Variants in COL27A1 observed in about 807,000 individuals in gnomAD.
The protein encoded by COL27A1 is collagen alpha-1(XXVII) chain.
Under a neutral mutation model 251.3 loss-of-function variants are expected in COL27A1, and 106 were observed. The ratio of observed to expected loss-of-function variants is 0.42; its 90% CI spans 0.36 to 0.50. COL27A1 has a LOEUF of 0.50. Among genes scored for constraint, COL27A1 ranks in the 20% least tolerant of loss-of-function variants. COL27A1 has a pLI of 0.00. For missense variants in COL27A1, 2,325 were observed against 2,522.8 expected (o/e 0.92, Z 1.68); for synonymous variants, 1,000 against 986.3 (o/e 1.01, Z -0.26).
At chr9:114,154,900 C>A (rs981543135), upstream of COL27A1, among the ~76,000 whole-genome samples, 1 of 152,036 alleles carries the variant, frequency 6.6e-6, no homozygotes, top group Non-Finnish European at 1.5e-5. This position sits in a 1 kb window ranked among gnomAD's most constrained non-coding sequence, Gnocchi z 5.8. Flanking sequence ...TGAGAATTTG[C>A]CCGGGGGCCA....
intron 59 of COL27A1, among the ~76,000 whole-genome samples, chr9:114,308,022 C>A (rs910509871): frequency 2.0e-5 from 3 of 152,242 alleles, no homozygotes; most frequent in African/African-American, 7.2e-5. Context: ...CAAATAGAAT[C>A]TTCTGCCTAA....
intron 33 of COL27A1, among the ~76,000 whole-genome samples, 178 bp downstream of exon 33, chr9:114,266,796 G>T (rs1014708952): frequency 6.6e-6 from 1 of 152,188 alleles, no homozygotes; most frequent in Non-Finnish European, 1.5e-5. Context: ...GATCCATCCT[G>T]GTGGCATAGG....
chr9:114,301,488 T>TG, intron 54 of COL27A1, 26 bp downstream of exon 54: 1 of 739,136 alleles, frequency 1.4e-6, no homozygotes, highest in Non-Finnish European at 2.1e-6. Context: ...ATGAGGGCTG[T>TG]GGGGCGGGGC....
At chr9:114,155,175 G>A (rs1848047782), upstream of COL27A1, among the ~76,000 whole-genome samples, 1 of 152,104 alleles carries the variant, frequency 6.6e-6, no homozygotes, top group African/African-American at 2.4e-5. This position sits in a 1 kb window ranked among gnomAD's most constrained non-coding sequence, Gnocchi z 5.5. Flanking sequence ...TCCTAGCTCC[G>A]TCCCTGAAAC....
intron 27 of COL27A1, among the ~76,000 whole-genome samples, chr9:114,254,765 A>G (rs1243654873): frequency 6.6e-6 from 1 of 152,178 alleles, no homozygotes; most frequent in African/African-American, 2.4e-5. Flanking sequence ...ACACTTTTTC[A>G]TGCACCTGCT....
chr9:114,213,606 C>T (rs779825590), intron 12 of COL27A1, among the ~76,000 whole-genome samples: 14 of 152,166 alleles, frequency 9.2e-5, no homozygotes, highest in South Asian at 2.1e-4. Flanking sequence ...TCAATAAACA[C>T]GATGAATAAC....
chr9:114,288,661 C>A (rs763091081), intron 42 of COL27A1, 41 bp from the exon 43 acceptor site: 1 of 1,594,878 alleles, frequency 6.3e-7, no homozygotes, highest in Non-Finnish European at 8.6e-7. Flanking sequence ...GCATCCTTGG[C>A]ACCTGGTGGC....
intron 28 of COL27A1, among the ~76,000 whole-genome samples, chr9:114,260,342 A>T (rs1834232095): frequency 6.6e-6 from 1 of 152,150 alleles, no homozygotes; most frequent in Non-Finnish European, 1.5e-5. Flanking sequence ...AACCTATGAG[A>T]TCGGCCCCCT....
chr9:114,306,567 C>G lies in COL27A1; in HGVS notation c.4986C>G (p.Ile1662Met). The stretch of plus-strand genomic sequence containing the variant: ...TGGTGCTGGACCAGGGAGGAGAGAT[C>G]TTTAAAACCTTACACTACCTCAGCA... ...DRLVLDQGGE[I>M]FKTLHYLSNL... The change falls in exon 58 of 61, where the codon ATC becomes ATG. Residue 1662 changes from isoleucine to methionine, a missense_variant. Physicochemically the swap from Ile to Met is conservative, Grantham distance 10. Around this residue, in one of 4 missense-constraint regions of COL27A1, gnomAD observed 327 missense variants for 442.8 expected, o/e 0.74. Transcript: ENST00000356083. 1 of 1,614,074 alleles carries G rather than the reference C, an allele frequency of 6.2e-7. No individual in the cohort carries two copies. The highest frequency in any genetic ancestry group is 8.5e-7 in the Non-Finnish European group (1 of 1,180,036).
chr9:114,157,733 C>A (rs1269697256), intron 1 of COL27A1, among the ~76,000 whole-genome samples: 1 of 152,212 alleles, frequency 6.6e-6, no homozygotes, highest in East Asian at 1.9e-4. Flanking sequence ...GGCGGCACCA[C>A]AGGAGGGCCA....
chr9:114,165,126 G>T (rs1038278462), intron 2 of COL27A1, among the ~76,000 whole-genome samples: 1 of 152,160 alleles, frequency 6.6e-6, no homozygotes, highest in African/African-American at 2.4e-5. Context: ...TGGTGTAGGC[G>T]CACTTTATAG....
At chr9:114,304,369 A>T (rs1050632201) in intron 56 of COL27A1, among the ~76,000 whole-genome samples, 5 of 152,232 alleles carry the variant, frequency 3.3e-5, no homozygotes, top group Non-Finnish European at 1.5e-5. Context: ...TGGGTCTTAT[A>T]ACCATGTTGA....
At chr9:114,231,407 T>G (rs1311580710) in intron 15 of COL27A1, among the ~76,000 whole-genome samples, 1 of 152,092 alleles carries the variant, frequency 6.6e-6, no homozygotes, top group African/African-American at 2.4e-5. Context: ...GGAAGTCCAG[T>G]GGGGGACATC....
At chr9:114,172,205 A>G (rs920547595) in intron 3 of COL27A1, among the ~76,000 whole-genome samples, 1 of 152,196 alleles carries the variant, frequency 6.6e-6, no homozygotes, top group African/African-American at 2.4e-5. Flanking sequence ...AATGTAATGG[A>G]AGAGGCATCT....
chr9:114,258,674 CTGGG>C, intron 28 of COL27A1, 80 bp downstream of exon 28: 2 of 1,434,726 alleles, frequency 1.4e-6, no homozygotes, highest in Non-Finnish European at 1.9e-6. Flanking sequence ...CAGAGACTGC[CTGGG>C]CTTTGCCCCT....
chr9:114,289,960 C>A, intron 45 of COL27A1, 98 bp from the exon 46 acceptor site: 1 of 1,356,826 alleles, frequency 7.4e-7, no homozygotes, highest in Non-Finnish European at 1.1e-6. Flanking sequence ...CAGATGTTCA[C>A]CCAGGGGCCC....
intron 16 of COL27A1, among the ~76,000 whole-genome samples, chr9:114,234,076 T>C (rs1832169534): frequency 1.3e-5 from 2 of 152,122 alleles, no homozygotes; most frequent in African/African-American, 4.8e-5. Flanking sequence ...TGGAGAAGCA[T>C]TCTGGAAGCA....
At chr9:114,279,436 T>C (rs373121694) in intron 37 of COL27A1, among the ~76,000 whole-genome samples, 3 of 152,178 alleles carry the variant, frequency 2.0e-5, no homozygotes, top group East Asian at 3.8e-4. Flanking sequence ...CTGGAGACTT[T>C]GAGATTGCCT....
At chr9:114,253,392 G>A (rs1445134561) in intron 27 of COL27A1, among the ~76,000 whole-genome samples, 3 of 98,652 alleles carry the variant, frequency 3.0e-5, no homozygotes, top group African/African-American at 9.0e-5. Context: ...AAAGAAAAAA[G>A]AAAGAGGAAA....
Sources: gnomAD v4.1 joint callset for allele counts (sites outside exome capture counted in the v4.1 genomes callset) on GRCh38, gnomAD v4.1.1 for gene constraint, gnomAD v4.1.1 regional missense constraint, Gnocchi (gnomAD v3.1) non-coding constraint, MANE v1.5 for transcripts, NCBI Gene and HGNC (gene_info 2026-07-23, HGNC 2026-07-21) for gene names.